The following ATG2B variants were observed in gnomAD, a reference collection of about 807,000 sequenced individuals.
ATG2B encodes autophagy related 2B, also known as autophagy-related protein 2 homolog B.
In ATG2B, 121 loss-of-function variants were observed where a neutral mutation model predicts 241.3. That is an observed-to-expected ratio of 0.50 (90% CI 0.43 to 0.58). ATG2B has a LOEUF of 0.58. ATG2B is among the 20% of genes least tolerant of loss of function. ATG2B has a pLI of 0.00. For missense variants in ATG2B, 2,306 were observed against 2,491.6 expected (o/e 0.93, Z 1.59); for synonymous variants, 858 against 876.6 (o/e 0.98, Z 0.37).
intron 18 of ATG2B, among the ~76,000 whole-genome samples, chr14:96,320,015 G>T (rs551226796): frequency 1.3e-5 from 2 of 152,104 alleles, no homozygotes; most frequent in Non-Finnish European, 2.9e-5. Context: ...TTAGTGGAAG[G>T]TATTTAATAG....
intron 34 of ATG2B, among the ~76,000 whole-genome samples, chr14:96,295,967 T>C (rs1170213979): frequency 1.3e-5 from 2 of 152,236 alleles, no homozygotes; most frequent in South Asian, 2.1e-4. Flanking sequence ...GGACACTTTT[T>C]TTTTTGAGAC....
chr14:96,322,068 G>A, intron 18 of ATG2B, 44 bp downstream of exon 18: 1 of 1,418,996 alleles, frequency 7.0e-7, no homozygotes, highest in East Asian at 2.6e-5. Context: ...GAGGCAATTA[G>A]AAAATCTGAT....
intron 32 of ATG2B, among the ~76,000 whole-genome samples, chr14:96,303,720 G>C (rs552389807): frequency 6.6e-6 from 1 of 152,214 alleles, no homozygotes; most frequent in East Asian, 1.9e-4. Context: ...CATCCACTGA[G>C]GCTATTACCA....
At chr14:96,359,662 AC>A (rs1888572471) in intron 1 of ATG2B, among the ~76,000 whole-genome samples, 1 of 152,218 alleles carries the variant, frequency 6.6e-6, no homozygotes, top group African/African-American at 2.4e-5. Flanking sequence ...TGCCATTTCA[AC>A]CACTTCTAGG....
chr14:96,321,401 T>C (rs992695334), intron 18 of ATG2B, among the ~76,000 whole-genome samples: 27 of 152,168 alleles, frequency 1.8e-4, no homozygotes, highest in African/African-American at 6.0e-4. Context: ...CTTCAGTGGG[T>C]AGGAATTATA....
Position 96,305,800 on chromosome 14 carries a change from GTTC to G in ATG2B, c.4519_4521del (p.Glu1507del). 6.2e-7 allele frequency: 1 copy of G among 1,613,778 alleles called. No individual in the cohort carries two copies. The highest frequency in any genetic ancestry group is 1.7e-5 in the Admixed American group (1 of 60,010). On this transcript the variant is annotated inframe_deletion, in exon 31 of 42. Transcript: ENST00000359933. Reference sequence around the variant, plus strand: ...TCATCAACCATGATTTTTATAACTGGTTCTTCTTCCTTCTCCTAAAATAAACAA... The same window carrying G: ...TCATCAACCATGATTTTTATAACTGGTTCTTCCTTCTCCTAAAATAAACAA...
chr14:96,297,754 A>G (rs886131307), intron 34 of ATG2B, among the ~76,000 whole-genome samples: 4 of 151,996 alleles, frequency 2.6e-5, no homozygotes, highest in Non-Finnish European at 4.4e-5. Context: ...TATTTATGCT[A>G]AACTCTTTAC....
chr14:96,332,584 C>T lies in ATG2B; in HGVS notation c.1279G>A (p.Asp427Asn). 1 of 1,610,050 alleles carries T rather than the reference C, an allele frequency of 6.2e-7. No individual in the cohort carries two copies. Among genetic ancestry groups the T allele is most frequent in the Non-Finnish European group, 8.5e-7 (1 of 1,178,558 alleles). Reference sequence around the variant, plus strand: ...AACTCAAGGTCCATGTTTGGGGGGTCCCCAAGGGGTGGAAGAGAAGAGAGA... The same window carrying T: ...AACTCAAGGTCCATGTTTGGGGGGTTCCCAAGGGGTGGAAGAGAAGAGAGA... The part of the protein sequence containing the change: ...HSLSSLPPLG[D>N]PPNMDLELSL... Residue 427 changes from aspartate to asparagine, a missense_variant, in exon 9 of 42, where the codon GAC becomes AAC. Around this residue, in one of 2 missense-constraint regions of ATG2B, gnomAD observed 1,927 missense variants for 2,011.2 expected, o/e 0.96. Transcript: ENST00000359933.
intron 5 of ATG2B, among the ~76,000 whole-genome samples, chr14:96,342,717 C>CAAAAAAAAAAAAAAAA (rs11290481): frequency 9.7e-6 from 1 of 103,066 alleles, no homozygotes. Context: ...AGACTCTCTC[C>CAAAAAAAAAAAAAAAA]AAAAAAAAAA....
intron 37 of ATG2B, 48 bp from the exon 38 acceptor site, chr14:96,291,730 C>G: frequency 7.9e-7 from 1 of 1,272,650 alleles, no homozygotes; most frequent in Admixed American, 1.8e-5. Context: ...AATTAAGAGA[C>G]TCAACATCTA....
intron 23 of ATG2B, 43 bp from the exon 24 acceptor site, chr14:96,313,478 A>G (rs754240331): frequency 9.0e-7 from 1 of 1,114,590 alleles, no homozygotes; most frequent in Non-Finnish European, 1.3e-6. Context: ...TAGAAGAAAA[A>G]AAAGGTTTCA....
chr14:96,294,695 G>C (rs951094901), intron 36 of ATG2B, among the ~76,000 whole-genome samples: 3 of 152,162 alleles, frequency 2.0e-5, no homozygotes, highest in Admixed American at 1.3e-4. Flanking sequence ...AGGGGACAGA[G>C]GAGAGAAAAA....
chr14:96,306,937 A>C (rs1307225712), intron 29 of ATG2B, 21 bp from the exon 30 acceptor site: 1 of 1,597,070 alleles, frequency 6.3e-7, no homozygotes, highest in South Asian at 1.1e-5. Context: ...AGATTACAAC[A>C]TTTTGGCACA....
rs945969552 is a variant in ATG2B at position 96,283,331 on chromosome 14, T to C, written c.*2424A>G. The C allele has an allele frequency of 6.6e-6, 1 of 152,250 alleles. No individual in the cohort carries two copies. Among genetic ancestry groups the C allele is most frequent in the Non-Finnish European group, 1.5e-5 (1 of 68,106 alleles). 9.4% of individuals were successfully genotyped at this position (152,250 alleles called of 1,614,324 possible). A position where few individuals can be genotyped will look rare whatever the true frequency, so the allele number is the denominator to read the frequency against. ...CCCAACCACCCAGGCACAGTGGCAGTTCAGAAAAGTATTGCTCTGAGAGAT... is the reference window on the plus strand; with the variant it reads ...CCCAACCACCCAGGCACAGTGGCAGCTCAGAAAAGTATTGCTCTGAGAGAT... On this transcript the variant is annotated 3_prime_UTR_variant, in exon 42 of 42. Transcript: ENST00000359933.
Position 96,308,268 on chromosome 14 carries a change from A to ATATATATG in ATG2B, c.4303+1184_4303+1185insCATATATA, listed in dbSNP as rs1555365534. Among the ~76,000 whole-genome samples, 22 of 15,342 alleles carry ATATATATG rather than the reference A, an allele frequency of 1.4e-3. 1 individual carries two copies. Among genetic ancestry groups the ATATATATG allele is most frequent in the African/African-American group, 2.7e-3 (12 of 4,376 alleles). 10.1% of individuals were successfully genotyped at this position (15,342 alleles called of 152,430 possible). Reference sequence around the variant, plus strand: ...TATATATATACACACATATATATATATATATATATATATATTTTTTTTTTT... The same window carrying ATATATATG: ...TATATATATACACACATATATATATATATATATGTATATATATATATATTTTTTTTTTT... On this transcript the variant is annotated intron_variant, in intron 29 of 41. Transcript: ENST00000359933.
chr14:96,332,666 T>A lies in ATG2B; in HGVS notation c.1208-11A>T, dbSNP rs1887772383. On this transcript the variant is annotated splice_polypyrimidine_tract_variant and intron_variant, in intron 8 of 41. Coordinates refer to ENST00000359933, the MANE Select transcript of ATG2B (RefSeq NM_018036.7). The stretch of plus-strand genomic sequence containing the variant: ...AGAATACTTCTTCTTCTAGAGAGAA[T>A]TAAACTATGTCACTTGTATTATAAT... The A allele has an allele frequency of 1.7e-5, 26 of 1,537,884 alleles. No individual in the cohort carries two copies. The highest frequency in any genetic ancestry group is 2.2e-5 in the Non-Finnish European group (25 of 1,149,230).
In ATG2B at chr14:96,363,063, G is replaced by T; in HGVS notation, c.-87C>A. ...AGCGACTCCGGCTCCAGGCCGCGGC[G>T]GGGCCTAAGCCTGGGGCGGCCCCTC... On this transcript the variant is annotated 5_prime_UTR_variant, in exon 1 of 42. Transcript: ENST00000359933. 1 of 1,520,720 alleles carries T rather than the reference G, an allele frequency of 6.6e-7. No homozygotes were observed. The highest frequency in any genetic ancestry group is 1.1e-5 in the South Asian group (1 of 88,266). The allele number at this position is 1,520,720 out of a possible 1,614,324, so 94.2% of individuals were successfully genotyped here. A position where few individuals can be genotyped will look rare whatever the true frequency, so the allele number is the denominator to read the frequency against.
At chr14:96,304,468 G>A in intron 32 of ATG2B, 27 bp downstream of exon 32, 1 of 1,564,528 alleles carries the variant, frequency 6.4e-7, no homozygotes, top group Non-Finnish European at 8.8e-7. Context: ...CTACTTAAGT[G>A]GATTTTTCCT....
chr14:96,332,512 T>G lies in ATG2B; in HGVS notation c.1351A>C (p.Ser451Arg). The change falls in exon 9 of 42, where the codon AGT (serine) becomes CGT (arginine). Residue 451 changes from serine (S) to arginine (R), a missense_variant. Ser to Arg is a moderately radical substitution (Grantham distance 110, BLOSUM62 -1). This residue lies in a region of ATG2B where 1,927 missense variants were observed against 2,011.2 expected (regional missense o/e 0.96). Transcript: ENST00000359933. ...AAGTAATACTTTACCACAGTAGCAC[T>G]TAATGGAGATCCTGCTGGGGTATTT... ...YTNTPAGSPL[S>R]ATVLQPTWGE... The G allele has an allele frequency of 6.2e-7, 1 of 1,609,920 alleles. No individual in the cohort carries two copies. Among genetic ancestry groups the G allele is most frequent in the African/African-American group, 1.3e-5 (1 of 74,722 alleles).
Sources: gnomAD v4.1 joint callset for allele counts (sites outside exome capture counted in the v4.1 genomes callset) on GRCh38, gnomAD v4.1.1 for gene constraint, gnomAD v4.1.1 regional missense constraint, MANE v1.5 for transcripts, NCBI Gene and HGNC (gene_info 2026-07-23, HGNC 2026-07-21) for gene names.